G3BP2: variants seen among roughly 807,000 people sequenced by gnomAD.
G3BP2 encodes the protein G3BP stress granule assembly factor 2, also known as ras GTPase-activating protein-binding protein 2.
G3BP2 carries 11 observed loss-of-function variants against 56.7 expected under a neutral mutation model. That is an observed-to-expected ratio of 0.19 (90% confidence interval 0.12 to 0.32). The LOEUF (loss-of-function observed/expected upper bound fraction) is 0.32, where lower values mean the gene tolerates loss of function less well. Among genes scored for constraint, G3BP2 ranks in the 10% least tolerant of loss-of-function variants. The pLI is 1.00. For missense variants in G3BP2, 340 were observed against 610.9 expected, an observed-to-expected ratio of 0.56 and a Z score of 4.67; for synonymous variants, 165 against 191.6, an observed-to-expected ratio of 0.86 and a Z score of 1.15.
At position 75,697,273 on chromosome 4, in the gene G3BP2, C is replaced by CA. The variant is rs869037819; in HGVS notation, c.-25+23603dup. On this transcript the variant is annotated intron_variant, in intron 3 of 3. Coordinates refer to the G3BP2 transcript ENST00000499709. ...TGGCTGACAGAGCGAGACTCTGTCT[C>CA]AAAAAAAAAAAAAAAAAAAAAAAAA... Among the ~76,000 whole-genome samples the CA allele has an allele frequency of 2.3e-3, 65 of 28,818 alleles. 6 individuals carry two copies. The highest frequency in any genetic ancestry group is 0.016 in the East Asian group (11 of 694). The allele number at this position is 28,818 out of a possible 152,430, so 18.9% of individuals were successfully genotyped here.
At position 75,647,126 on chromosome 4, in the gene G3BP2, G is replaced by A; in HGVS notation, c.960C>T (p.Asp320=). Residue 320 remains aspartate (D), a synonymous_variant, in exon 10 of 12, where the codon GAC becomes GAT. Coordinates refer to ENST00000359707, the MANE Select transcript of G3BP2 (RefSeq NM_203505.3). ...CTGGATAGCGAATTATTCTACGGTT[G>A]TCAGAGTCATTCTGTTCCATATCTC... is the stretch of plus-strand genomic sequence containing the variant. ...GRGDMEQNDS[D]NRRIIRYPDS... 2 of 1,599,828 alleles carry A rather than the reference G, an allele frequency of 1.3e-6. No homozygotes were observed. Among genetic ancestry groups the A allele is most frequent in the South Asian group, 1.1e-5 (1 of 90,090 alleles).
chr4:75,702,923 G>T (rs909439940), intron 3 of G3BP2, among the ~76,000 whole-genome samples: 12 of 152,238 alleles, frequency 7.9e-5, no homozygotes, highest in African/African-American at 2.9e-4. Context: ...ATTTCTGGAT[G>T]CATTATCTGG....
In G3BP2 at chr4:75,645,036, T is replaced by C. The variant is rs751091391; in HGVS notation, c.*394A>G. ...CAAGAAAAAAGGCAAGATTCTCCAA[T>C]TGCACAAATTGCACTATTTGTGTTC... On this transcript the variant is annotated 3_prime_UTR_variant, in exon 12 of 12. Coordinates refer to ENST00000359707, the MANE Select transcript of G3BP2 (RefSeq NM_203505.3). 3.8e-5 allele frequency: 7 copies of C among 182,328 alleles called. No homozygotes were observed. Among genetic ancestry groups the C allele is most frequent in the Non-Finnish European group, 6.8e-5 (6 of 88,338 alleles). 11.3% of individuals were successfully genotyped at this position (182,328 alleles called of 1,614,324 possible).
At chr4:75,674,695 C>CATATAT (rs1316726374), upstream of G3BP2, among the ~76,000 whole-genome samples, 17 of 60,694 alleles carry the variant, frequency 2.8e-4, no homozygotes, top group East Asian at 7.9e-4. Flanking sequence ...TATGTATGTA[C>CATATAT]ATATATATAT....
At chr4:75,653,067 A>AAT (rs1731817373) in intron 8 of G3BP2, among the ~76,000 whole-genome samples, 1 of 152,076 alleles carries the variant, frequency 6.6e-6, no homozygotes, top group Admixed American at 6.5e-5. Flanking sequence ...ACCATCTTAC[A>AAT]TAAGGGTAAC....
chr4:75,684,129 G>A (rs550450911), intron 3 of G3BP2, among the ~76,000 whole-genome samples: 1 of 152,320 alleles, frequency 6.6e-6, no homozygotes, highest in East Asian at 1.9e-4. Context: ...AAATAGGCCG[G>A]GTGCGGTGGC....
chr4:75,681,318 C>T (rs868245632), intron 3 of G3BP2, among the ~76,000 whole-genome samples: 10 of 131,208 alleles, frequency 7.6e-5, no homozygotes, highest in South Asian at 2.9e-4. Context: ...AGCGAGACTC[C>T]GTCTCAAAAA....
intron 1 of G3BP2, among the ~76,000 whole-genome samples, chr4:75,662,686 C>T (rs1404706987): frequency 1.3e-5 from 2 of 152,156 alleles, no homozygotes; most frequent in African/African-American, 4.8e-5. Flanking sequence ...CTTGATTTCC[C>T]TACCCTTCGG....
chr4:75,646,932 G>A, intron 10 of G3BP2, 97 bp downstream of exon 10: 1 of 725,242 alleles, frequency 1.4e-6, no homozygotes, highest in South Asian at 2.0e-5. Flanking sequence ...TATAAAGAGA[G>A]AAACATTTAA....
At position 75,646,466 on chromosome 4, in the gene G3BP2, TA is replaced by T. The variant is rs2148941929; in HGVS notation, c.1058-11del. On this transcript the variant is annotated splice_polypyrimidine_tract_variant and intron_variant, in intron 10 of 11. Coordinates refer to ENST00000359707, the MANE Select transcript of G3BP2 (RefSeq NM_203505.3). ...ACAACGTTTCCAAAACCTGTGAAAA[TA>T]TACATTACATCAAGGGTTAAATATT... 1.4e-6 allele frequency: 2 copies of T among 1,382,670 alleles called. No homozygotes were observed. Among genetic ancestry groups the T allele is most frequent in the Non-Finnish European group, 2.1e-6 (2 of 969,052 alleles). The allele number at this position is 1,382,670 out of a possible 1,614,324, so 85.7% of individuals were successfully genotyped here. A position where few individuals can be genotyped will look rare whatever the true frequency, so the allele number is the denominator to read the frequency against.
chr4:75,717,200 T>C (rs978250730), intron 3 of G3BP2, among the ~76,000 whole-genome samples: 1 of 152,036 alleles, frequency 6.6e-6, no homozygotes, highest in Non-Finnish European at 1.5e-5. Context: ...CTCAGCACTT[T>C]GGGAGGTTGA....
chr4:75,713,891 T>A (rs1418160672), intron 3 of G3BP2, among the ~76,000 whole-genome samples: 1 of 152,216 alleles, frequency 6.6e-6, no homozygotes, highest in African/African-American at 2.4e-5. Context: ...AGCACTTCTG[T>A]GATATTCTAA....
At chr4:75,648,938 TG>T in intron 8 of G3BP2, 197 bp from the exon 9 acceptor site, 1 of 421,926 alleles carries the variant, frequency 2.4e-6, no homozygotes, top group African/African-American at 1.9e-5. Context: ...AGGTAGCTTT[TG>T]TTTTCCCACT....
intron 3 of G3BP2, among the ~76,000 whole-genome samples, chr4:75,713,370 A>G (rs1414576731): frequency 6.6e-6 from 1 of 152,230 alleles, no homozygotes; most frequent in Non-Finnish European, 1.5e-5. Context: ...GATGAGAAAC[A>G]GGATATTTAT....
intron 3 of G3BP2, among the ~76,000 whole-genome samples, chr4:75,694,535 C>G (rs1281948272): frequency 1.3e-5 from 2 of 152,184 alleles, no homozygotes; most frequent in Non-Finnish European, 2.9e-5. Context: ...ACCCGGTAGG[C>G]GGAGCTTGCA....
intron 2 of G3BP2, 28 bp from the exon 3 acceptor site, chr4:75,658,952 C>A: frequency 6.6e-7 from 1 of 1,510,690 alleles, no homozygotes; most frequent in South Asian, 1.1e-5. Context: ...ATGATTAACA[C>A]TGAATTGTCA....
chr4:75,662,054 G>A lies in G3BP2; in HGVS notation c.-24-5C>T. 6.9e-7 allele frequency: 1 copy of A among 1,439,378 alleles called. No homozygotes were observed. The highest frequency in any genetic ancestry group is 2.3e-5 in the East Asian group (1 of 43,952). The allele number at this position is 1,439,378 out of a possible 1,614,324, so 89.2% of individuals were successfully genotyped here. On this transcript the variant is annotated splice_region_variant and splice_polypyrimidine_tract_variant and intron_variant, in intron 1 of 11. Transcript: ENST00000359707. ...TTTGCTGCACAATGTCAAATGCTGA[G>A]GGAGCAAACACAAGAATAACTATTA...
chr4:75,666,293 A>G (rs1021583075), intron 1 of G3BP2, among the ~76,000 whole-genome samples: 21 of 152,204 alleles, frequency 1.4e-4, no homozygotes, highest in Non-Finnish European at 3.1e-4. Flanking sequence ...GAACTATTGG[A>G]AGGCAGTAAC....
At chr4:75,668,691 C>T (rs749782654) in intron 1 of G3BP2, among the ~76,000 whole-genome samples, 14 of 152,150 alleles carry the variant, frequency 9.2e-5, no homozygotes, top group Non-Finnish European at 1.9e-4. Context: ...TAACAAGAAG[C>T]AGGACTTTTG....
Sources: gnomAD v4.1 joint callset for allele counts (sites outside exome capture counted in the v4.1 genomes callset) on GRCh38, gnomAD v4.1.1 for gene constraint, MANE v1.5 for transcripts, NCBI Gene and HGNC (gene_info 2026-07-23, HGNC 2026-07-21) for gene names.